The following SYT16 variants were observed in gnomAD, a reference collection of about 807,000 sequenced individuals.
The protein encoded by SYT16 is synaptotagmin 16.
Under a neutral mutation model 61.4 loss-of-function variants are expected in SYT16, and 42 were observed. That is an observed-to-expected ratio of 0.68 (90% CI 0.53 to 0.89). The LOEUF (loss-of-function observed/expected upper bound fraction) is 0.89, where lower values mean the gene tolerates loss of function less well. SYT16 is among the 40% of genes least tolerant of loss of function. The pLI is 0.00. For synonymous variants in SYT16, 314 were observed against 302.3 expected, an observed-to-expected ratio of 1.04 and a Z score of -0.40; for missense variants, 804 against 807.3, an observed-to-expected ratio of 1.00 and a Z score of 0.05.
chr14:62,002,973 A>C (rs896312031), intron 3 of SYT16, among the ~76,000 whole-genome samples: 13 of 152,046 alleles, frequency 8.6e-5, no homozygotes, highest in Admixed American at 3.3e-4. Flanking sequence ...AAACCATCAG[A>C]GCTCATGAGA....
Position 62,075,318 on chromosome 14 carries a change from T to G in SYT16, c.920T>G (p.Met307Arg). 1 of 1,613,862 alleles carries G rather than the reference T, an allele frequency of 6.2e-7. No homozygotes were observed. Among genetic ancestry groups the G allele is most frequent in the Non-Finnish European group, 8.5e-7 (1 of 1,179,834 alleles). Residue 307 changes from methionine (M) to arginine (R), a missense_variant, in exon 5 of 8, where the codon ATG (methionine) becomes AGG (arginine). Transcript: ENST00000683842. ...CAATCCACAGAGGGCAGCTTGGAGA[T>G]GGAGACAGCTTTTAATAGCCGGGGA... ...RRQSTEGSLE[M>R]ETAFNSRGFE... is the part of the protein sequence containing the mutation.
intron 1 of SYT16, among the ~76,000 whole-genome samples, chr14:61,902,665 T>G (rs1482526479): frequency 6.6e-6 from 1 of 152,192 alleles, no homozygotes; most frequent in Non-Finnish European, 1.5e-5. Flanking sequence ...CAGTCCATTT[T>G]CACGCTGCTG....
At chr14:62,017,863 A>C (rs766901886) in intron 3 of SYT16, among the ~76,000 whole-genome samples, 20 of 152,030 alleles carry the variant, frequency 1.3e-4, no homozygotes, top group Non-Finnish European at 1.5e-4. Flanking sequence ...ACAGGTGCAC[A>C]CCATGACACC....
chr14:62,012,935 A>G (rs1359853792), intron 3 of SYT16, among the ~76,000 whole-genome samples: 2 of 152,238 alleles, frequency 1.3e-5, no homozygotes, highest in African/African-American at 4.8e-5. Flanking sequence ...GAAAGTGCCT[A>G]AGACAAGAGA....
rs11378872 is a variant in SYT16, at chr14:61,835,250, ATT to A, written c.-325+22464_-325+22465del. Among the ~76,000 whole-genome samples, 555 of 110,780 alleles carry A rather than the reference ATT, an allele frequency of 5.0e-3. 3 individuals carry two copies. The highest frequency in any genetic ancestry group is 0.018 in the African/African-American group (519 of 28,382). 72.7% of individuals were successfully genotyped at this position (110,780 alleles called of 152,430 possible). A position where few individuals can be genotyped will look rare whatever the true frequency, so the allele number is the denominator to read the frequency against. On this transcript the variant is annotated intron_variant, in intron 1 of 7. Transcript: ENST00000683842. ...GTAAATGTTGTCTCATGAAAGGTGAATTTTTTTTTTTTTTTTTTTTTTTTTGA... is the reference window on the plus strand; with the variant it reads ...GTAAATGTTGTCTCATGAAAGGTGAATTTTTTTTTTTTTTTTTTTTTTTGA...
chr14:61,979,886 GA>G (rs955211635), intron 2 of SYT16, among the ~76,000 whole-genome samples: 18 of 148,516 alleles, frequency 1.2e-4, no homozygotes, highest in Non-Finnish European at 6.0e-5. Context: ...GTCTCAAAAA[GA>G]AAAAAAAAAT....
At chr14:61,880,930 G>T (rs1233386960) in intron 1 of SYT16, among the ~76,000 whole-genome samples, 1 of 151,782 alleles carries the variant, frequency 6.6e-6, no homozygotes, top group East Asian at 1.9e-4. Flanking sequence ...CAACTTGATT[G>T]ACATGTAGCA....
intron 1 of SYT16, among the ~76,000 whole-genome samples, chr14:61,935,892 C>T (rs563243016): frequency 1.3e-5 from 2 of 152,204 alleles, no homozygotes; most frequent in Admixed American, 1.3e-4. Context: ...TTTTCATAAT[C>T]ATCAATGTTT....
At chr14:61,852,735 A>G (rs547583319) in intron 1 of SYT16, among the ~76,000 whole-genome samples, 8 of 152,242 alleles carry the variant, frequency 5.3e-5, no homozygotes, top group African/African-American at 1.7e-4. Context: ...TTGTTGGTGT[A>G]TAGGAATGCT....
At chr14:62,034,100 A>T (rs2054411363) in intron 3 of SYT16, among the ~76,000 whole-genome samples, 2 of 152,334 alleles carry the variant, frequency 1.3e-5, no homozygotes, top group Admixed American at 1.3e-4. Context: ...ATATGAAAAA[A>T]TACTCAACAT....
intron 1 of SYT16, among the ~76,000 whole-genome samples, chr14:61,895,032 C>G (rs746874460): frequency 6.6e-6 from 1 of 152,192 alleles, no homozygotes; most frequent in Non-Finnish European, 1.5e-5. Context: ...CTCCTCAGCT[C>G]TGCCCACTGC....
chr14:61,953,362 A>T (rs1003164718), intron 1 of SYT16, among the ~76,000 whole-genome samples: 31 of 152,248 alleles, frequency 2.0e-4, no homozygotes, highest in African/African-American at 6.7e-4. Context: ...AAGCAAGAGA[A>T]ATGGTCCAAA....
intron 4 of SYT16, among the ~76,000 whole-genome samples, chr14:62,073,034 T>C (rs1442633606): frequency 6.6e-6 from 1 of 152,154 alleles, no homozygotes; most frequent in African/African-American, 2.4e-5. Flanking sequence ...GGAAGACTGC[T>C]TTATGGAAAG....
intron 7 of SYT16, among the ~76,000 whole-genome samples, chr14:62,093,657 C>T (rs112858949): frequency 2.8e-4 from 43 of 152,034 alleles, no homozygotes; most frequent in African/African-American, 7.7e-4. Flanking sequence ...AACTGGCTTA[C>T]GAGAAAGCCT....
At chr14:62,048,762 T>C (rs1038745196) in intron 3 of SYT16, among the ~76,000 whole-genome samples, 35 of 152,214 alleles carry the variant, frequency 2.3e-4, no homozygotes, top group Admixed American at 5.2e-4. Context: ...AGCAGGTTGT[T>C]CAGTTTCCGT....
chr14:61,997,452 T>C (rs2052814504), intron 3 of SYT16, among the ~76,000 whole-genome samples: 1 of 152,096 alleles, frequency 6.6e-6, no homozygotes, highest in African/African-American at 2.4e-5. Flanking sequence ...CCTTCATTCA[T>C]TTTCCATGAT....
intron 1 of SYT16, among the ~76,000 whole-genome samples, chr14:61,840,873 T>C (rs548346440): frequency 6.6e-6 from 1 of 152,290 alleles, no homozygotes; most frequent in South Asian, 2.1e-4. Context: ...CAATAAAATA[T>C]CTTATTTTAG....
chr14:61,962,707 T>C (rs912205134), intron 1 of SYT16, among the ~76,000 whole-genome samples: 29 of 152,152 alleles, frequency 1.9e-4, no homozygotes, highest in Non-Finnish European at 2.2e-4. Context: ...TTCTTTTCTT[T>C]CTGTTCCTCT....
At chr14:62,099,859 C>CG (rs1351185694) in intron 7 of SYT16, among the ~76,000 whole-genome samples, 4 of 151,712 alleles carry the variant, frequency 2.6e-5, no homozygotes, top group Non-Finnish European at 5.9e-5. Context: ...GCCTGGGCAA[C>CG]GGAGCAAGAC....
Sources: gnomAD v4.1 joint callset for allele counts (sites outside exome capture counted in the v4.1 genomes callset) on GRCh38, gnomAD v4.1.1 for gene constraint, MANE v1.5 for transcripts, NCBI Gene and HGNC (gene_info 2026-07-23, HGNC 2026-07-21) for gene names.